Variants in KRT28 observed in about 807,000 individuals in gnomAD.
KRT28 encodes keratin 28, also known as keratin, type I cytoskeletal 28.
Under a neutral mutation model 48.1 loss-of-function variants are expected in KRT28, and 45 were observed. The ratio of observed to expected loss-of-function variants is 0.94; its 90% CI spans 0.74 to 1.20. The LOEUF (loss-of-function observed/expected upper bound fraction) is 1.20, where lower values mean the gene tolerates loss of function less well. Ranked by LOEUF, KRT28 falls within the 50% of genes most tolerant of loss-of-function variation. KRT28 has a pLI of 0.00. For missense variants in KRT28, 571 were observed against 574.1 expected, an observed-to-expected ratio of 0.99 and a Z score of 0.06; for synonymous variants, 228 against 227.4, an observed-to-expected ratio of 1.00 and a Z score of -0.03.
intron 6 of KRT28, 84 bp from the exon 7 acceptor site, chr17:40,793,294 G>C: frequency 1.1e-6 from 1 of 873,924 alleles, no homozygotes; most frequent in Non-Finnish European, 1.7e-6. Flanking sequence ...AATGAAATTT[G>C]TATGCCAAAA....
chr17:40,799,841 G>C lies in KRT28; in HGVS notation c.53C>G (p.Ala18Gly). 1.2e-6 allele frequency: 2 copies of C among 1,613,944 alleles called. No individual in the cohort carries two copies. The highest frequency in any genetic ancestry group is 1.3e-5 in the African/African-American group (1 of 75,044). ...TCCATTGAGGGGTCTGACAGATCCA[G>C]CTCCAGACCTTAAGCAAACATGCCT... ...GSRHVCLRSGAGSVRPLNGGA... is the reference protein window; with the variant it reads ...GSRHVCLRSGGGSVRPLNGGA... Residue 18 changes from alanine to glycine, a missense_variant, in exon 1 of 8, where the codon GCT (alanine) becomes GGT (glycine). Ala to Gly is a moderately conservative substitution (Grantham distance 60). Transcript: ENST00000306658.
chr17:40,797,225 C>G lies in KRT28; in HGVS notation c.747G>C (p.Ala249=). 6.2e-7 allele frequency: 1 copy of G among 1,614,132 alleles called. No individual in the cohort carries two copies. Among genetic ancestry groups the G allele is most frequent in the Non-Finnish European group, 8.5e-7 (1 of 1,180,026 alleles). The change falls in exon 4 of 8, where the codon GCG becomes GCC. Residue 249 remains alanine (A), a synonymous_variant. Transcript: ENST00000306658. The part of the protein sequence containing the change: ...AGGNVNVEMN[A]APGVDLAVLL... Reference sequence around the variant, plus strand: ...AAACCGCGAGGTCTACCCCCGGGGCCGCGTTCATCTCCACGTTCACGTTGC... The same window carrying G: ...AAACCGCGAGGTCTACCCCCGGGGCGGCGTTCATCTCCACGTTCACGTTGC...
At chr17:40,792,789 C>T (rs1361002491) in intron 7 of KRT28, among the ~76,000 whole-genome samples, 2 of 152,116 alleles carry the variant, frequency 1.3e-5, no homozygotes, top group Admixed American at 1.3e-4. Flanking sequence ...GTATGACTGC[C>T]ATTAATGTAA....
chr17:40,793,953 G>A lies in KRT28; in HGVS notation c.1072C>T (p.Gln358Ter). The A allele has an allele frequency of 6.2e-7, 1 of 1,613,906 alleles. No homozygotes were observed. The change falls in exon 6 of 8, where the codon CAG (glutamine) becomes TAG (stop). Residue 358 changes from glutamine (Q) to a stop codon, truncating the protein, a stop_gained. Transcript: ENST00000306658. LOFTEE classifies it high-confidence loss of function. ...IQAQIGALEE[Q>*]LHQVRTETEG... ...GTCTCGGTTCTGACCTGGTGCAGCT[G>A]CTCCTCCAGGGCCCCGATCTGAGCC...
chr17:40,792,440 C>A lies in KRT28; in HGVS notation c.1382G>T (p.Arg461Met), dbSNP rs760652854. Reference protein sequence around the residue: ...SKMTNGKTEQRVPF With the variant: ...SKMTNGKTEQMVPF ...CTAAAATGACAGCTAGAAAGGAACC[C>A]TTTGTTCTGTCTTGCCGTTGGTCAT... Residue 461 changes from arginine to methionine, a missense_variant, in exon 8 of 8, where the codon AGG becomes ATG. Physicochemically the swap from Arg to Met is moderately conservative, Grantham distance 91 (BLOSUM62 -1). Coordinates refer to ENST00000306658, the MANE Select transcript of KRT28 (RefSeq NM_181535.3). 4.3e-6 allele frequency: 7 copies of A among 1,611,090 alleles called. No homozygotes were observed. The highest frequency in any genetic ancestry group is 5.9e-6 in the Non-Finnish European group (7 of 1,178,862).
chr17:40,792,826 T>G (rs1904523496), intron 7 of KRT28, among the ~76,000 whole-genome samples: 1 of 152,130 alleles, frequency 6.6e-6, no homozygotes, highest in Non-Finnish European at 1.5e-5. Flanking sequence ...GAAATAGAAC[T>G]AGAGGGCTCA....
chr17:40,793,755 T>A lies in KRT28; in HGVS notation c.1196+74A>T, dbSNP rs994388394. On this transcript the variant is annotated intron_variant, in intron 6 of 7. Coordinates refer to ENST00000306658, the MANE Select transcript of KRT28 (RefSeq NM_181535.3). Reference sequence around the variant, plus strand: ...ATGAAAAAGAAAAGGCTTGGAAGTATGGAAGGCTAATGGGCAGCCCACATT... The same window carrying A: ...ATGAAAAAGAAAAGGCTTGGAAGTAAGGAAGGCTAATGGGCAGCCCACATT... 7 of 1,421,632 alleles carry A rather than the reference T, an allele frequency of 4.9e-6. No homozygotes were observed. The Admixed American group carries it at 6.8e-5, about 14-fold the overall frequency. The allele number at this position is 1,421,632 out of a possible 1,614,324, so 88.1% of individuals were successfully genotyped here. A position where few individuals can be genotyped will look rare whatever the true frequency, so the allele number is the denominator to read the frequency against.
intron 5 of KRT28, among the ~76,000 whole-genome samples, chr17:40,795,504 A>G (rs957086491): frequency 6.6e-6 from 1 of 152,198 alleles, no homozygotes; most frequent in African/African-American, 2.4e-5. Flanking sequence ...TTGTGTATTT[A>G]GACAACTCCC....
chr17:40,793,922 C>T lies in KRT28; in HGVS notation c.1103G>A (p.Gly368Asp). 6.2e-7 allele frequency: 1 copy of T among 1,613,956 alleles called. No individual in the cohort carries two copies. Among genetic ancestry groups the T allele is most frequent in the Non-Finnish European group, 8.5e-7 (1 of 1,179,864 alleles). ...GAGATGCTCATACTCCAGCTTCTGGCCCTCGGTCTCGGTTCTGACCTGGTG... is the reference window on the plus strand; with the variant it reads ...GAGATGCTCATACTCCAGCTTCTGGTCCTCGGTCTCGGTTCTGACCTGGTG... ...QLHQVRTETEGQKLEYEHLLD... is the reference protein window; with the variant it reads ...QLHQVRTETEDQKLEYEHLLD... The change falls in exon 6 of 8, where the codon GGC becomes GAC. Residue 368 changes from glycine (G) to aspartate (D), a missense_variant. Coordinates refer to ENST00000306658, the MANE Select transcript of KRT28 (RefSeq NM_181535.3).
At position 40,799,897 on chromosome 17, in the gene KRT28, G is replaced by A. The variant is rs758251561; in HGVS notation, c.-4C>T. The stretch of plus-strand genomic sequence containing the variant: ...CATTAGAAAATTGGAGAGACATGGT[G>A]TTTTGAGAAATGTTCACCTTGTCTA... On this transcript the variant is annotated 5_prime_UTR_variant, in exon 1 of 8. Transcript: ENST00000306658. 1.2e-6 allele frequency: 2 copies of A among 1,603,460 alleles called. No individual in the cohort carries two copies. Among genetic ancestry groups the A allele is most frequent in the Non-Finnish European group, 1.7e-6 (2 of 1,174,896 alleles).
chr17:40,798,466 T>C, intron 2 of KRT28, 75 bp from the exon 3 acceptor site: 1 of 1,477,906 alleles, frequency 6.8e-7, no homozygotes. Flanking sequence ...TCCCAATTGC[T>C]TTAAACTGAA....
chr17:40,799,109 C>T, intron 1 of KRT28, 110 bp from the exon 2 acceptor site: 1 of 670,010 alleles, frequency 1.5e-6, no homozygotes, highest in Non-Finnish European at 2.5e-6. Context: ...ATTTCACCTC[C>T]TTATGTAATA....
chr17:40,797,257 C>T lies in KRT28; in HGVS notation c.715G>A (p.Ala239Thr). Residue 239 changes from alanine to threonine, a missense_variant, in exon 4 of 8, where the codon GCT (alanine) becomes ACT (threonine). Physicochemically the swap from Ala to Thr is moderately conservative, Grantham distance 58. Transcript: ENST00000306658. ...ATCTCCACGTTCACGTTGCCCCCAG[C>T]CGCGCACTGCAGAGCCTTCATCTCC... ...EEEMKALQCA[A>T]GGNVNVEMNA... The T allele has an allele frequency of 6.2e-7, 1 of 1,613,890 alleles. No homozygotes were observed. Among genetic ancestry groups the T allele is most frequent in the Non-Finnish European group, 8.5e-7 (1 of 1,179,818 alleles).
Position 40,797,112 on chromosome 17 carries a change from C to A in KRT28, c.852+8G>T, listed in dbSNP as rs1028395804. On this transcript the variant is annotated splice_region_variant and intron_variant, in intron 4 of 7. Coordinates refer to ENST00000306658, the MANE Select transcript of KRT28 (RefSeq NM_181535.3). The stretch of plus-strand genomic sequence containing the variant: ...GAGGTGTGAGCAGGGAGACGGGGCC[C>A]ACCTCACCTTCTCATTGAACCAGGC... The A allele has an allele frequency of 1.2e-6, 2 of 1,613,292 alleles. No homozygotes were observed. Among genetic ancestry groups the A allele is most frequent in the Non-Finnish European group, 1.7e-6 (2 of 1,179,508 alleles).
At chr17:40,792,701 G>T in intron 7 of KRT28, 132 bp from the exon 8 acceptor site, 1 of 683,642 alleles carries the variant, frequency 1.5e-6, no homozygotes, top group Non-Finnish European at 2.3e-6. Flanking sequence ...TAATAGCTTG[G>T]GATAGTTTTA....
intron 5 of KRT28, 129 bp from the exon 6 acceptor site, chr17:40,794,175 A>C (rs186578561): frequency 3.7e-6 from 4 of 1,092,522 alleles, no homozygotes; most frequent in Non-Finnish European, 5.2e-6. Flanking sequence ...GTCACAATCA[A>C]ATGGGAAAGA....
At chr17:40,798,744 C>T (rs1332267306) in intron 2 of KRT28, among the ~76,000 whole-genome samples, 173 bp downstream of exon 2, 2 of 152,130 alleles carry the variant, frequency 1.3e-5, no homozygotes, top group African/African-American at 2.4e-5. Flanking sequence ...TATTTTGTCC[C>T]AGGAATATAA....
In KRT28 at chr17:40,793,225, T is replaced by C. The variant is rs565748465; in HGVS notation, c.1197-15A>G. 5.1e-5 allele frequency: 75 copies of C among 1,474,358 alleles called. 1 individual carries two copies. The South Asian group carries it at 9.2e-4, about 18-fold the overall frequency. The allele number at this position is 1,474,358 out of a possible 1,614,324, so 91.3% of individuals were successfully genotyped here. ...TGGAGCATGAACTGTAAAAGAAATA[T>C]AGTTTATTCTTTTATATTTCTGCTT... is the stretch of plus-strand genomic sequence containing the variant. On this transcript the variant is annotated splice_polypyrimidine_tract_variant and intron_variant, in intron 6 of 7. Coordinates refer to ENST00000306658, the MANE Select transcript of KRT28 (RefSeq NM_181535.3).
chr17:40,793,490 G>A (rs1460060893), intron 6 of KRT28, among the ~76,000 whole-genome samples: 1 of 152,050 alleles, frequency 6.6e-6, no homozygotes, highest in African/African-American at 2.4e-5. Flanking sequence ...TTTGTACAGA[G>A]TACATTTATT....
Sources: allele counts gnomAD v4.1 joint callset (sites outside exome capture counted in the v4.1 genomes callset), GRCh38; gene constraint gnomAD v4.1.1; transcripts MANE v1.5; gene names NCBI Gene and HGNC (gene_info 2026-07-23, HGNC 2026-07-21).